Variants in EPN2 observed in about 807,000 individuals in gnomAD.
EPN2 encodes the protein epsin 2, also known as epsin-2.
A neutral mutation model predicts 61.7 loss-of-function variants in EPN2; 34 were observed. The ratio of observed to expected loss-of-function variants is 0.55; its 90% CI spans 0.42 to 0.73. The LOEUF (loss-of-function observed/expected upper bound fraction) is 0.73. EPN2 is among the 30% of genes least tolerant of loss of function. EPN2 has a pLI of 0.00. For missense variants in EPN2, 714 were observed against 839.2 expected (o/e 0.85, Z 1.84); for synonymous variants, 349 against 353.6 (o/e 0.99, Z 0.15).
At chr17:19,277,067 C>T (rs1386116398) in intron 1 of EPN2, among the ~76,000 whole-genome samples, 2 of 151,646 alleles carry the variant, frequency 1.3e-5, no homozygotes, top group East Asian at 1.9e-4. Flanking sequence ...GCAAACTATG[C>T]GAAAAAGAGG....
intron 1 of EPN2, among the ~76,000 whole-genome samples, chr17:19,238,572 A>T (rs118178868): frequency 2.6e-5 from 4 of 152,276 alleles, no homozygotes; most frequent in African/African-American, 7.2e-5. Flanking sequence ...CTTAACCATC[A>T]TTAGGGTTCA....
In EPN2 at chr17:19,329,355, G is replaced by A; in HGVS notation, c.1325-206G>A. 3 of 530,654 alleles carry A rather than the reference G, an allele frequency of 5.7e-6. No individual in the cohort carries two copies. In the South Asian group the frequency reaches 8.9e-5, roughly 16 times the overall value. The allele number at this position is 530,654 out of a possible 1,614,324, so 32.9% of individuals were successfully genotyped here. On this transcript the variant is annotated intron_variant, in intron 8 of 10. Coordinates refer to ENST00000314728, the MANE Select transcript of EPN2 (RefSeq NM_014964.5). ...GTGGGCATCCCACACCCTGTCCTGG[G>A]AGGCCAGGCTCCCTGTCTCCCCTCC... is the stretch of plus-strand genomic sequence containing the variant.
At chr17:19,304,730 C>T (rs1467508991) in intron 4 of EPN2, among the ~76,000 whole-genome samples, 2 of 152,244 alleles carry the variant, frequency 1.3e-5, no homozygotes, top group African/African-American at 4.8e-5. Context: ...AGCAGAAGCT[C>T]AAAGAGGTCA....
At position 19,334,368 on chromosome 17, in the gene EPN2, G is replaced by A; in HGVS notation, c.*114G>A. ...GGATTAGGGGTATTAGGGCTTTTCA[G>A]CTCCAGCTTCCTGATGAAAGGGCTG... On this transcript the variant is annotated 3_prime_UTR_variant, in exon 11 of 11. Coordinates refer to ENST00000314728, the MANE Select transcript of EPN2 (RefSeq NM_014964.5). This position sits in a 1 kb window ranked among gnomAD's most constrained non-coding sequence, Gnocchi z 4.9. 1.2e-6 allele frequency: 1 copy of A among 829,528 alleles called. No homozygotes were observed. The highest frequency in any genetic ancestry group is 3.3e-5 in the East Asian group (1 of 30,634). The allele number at this position is 829,528 out of a possible 1,614,324, so 51.4% of individuals were successfully genotyped here.
Position 19,283,834 on chromosome 17 carries a change from A to G in EPN2, c.595+120A>G. 1 of 742,954 alleles carries G rather than the reference A, an allele frequency of 1.3e-6. No individual in the cohort carries two copies. 46.0% of individuals were successfully genotyped at this position (742,954 alleles called of 1,614,324 possible). A position where few individuals can be genotyped will look rare whatever the true frequency, so the allele number is the denominator to read the frequency against. On this transcript the variant is annotated intron_variant, in intron 3 of 10. Transcript: ENST00000314728. This position sits in a 1 kb window ranked among gnomAD's most constrained non-coding sequence, Gnocchi z 7.0. ...TGCAGAGCTCGAACCTGTCCTCAGT[A>G]CCCAGCTTTTGGTGGCCCAGGCAAA...
intron 1 of EPN2, among the ~76,000 whole-genome samples, chr17:19,255,194 GTCT>G (rs1193314569): frequency 1.3e-5 from 2 of 152,128 alleles, no homozygotes; most frequent in Non-Finnish European, 2.9e-5. Context: ...CATGCTGTAT[GTCT>G]TCTTTTGGAG....
intron 5 of EPN2, among the ~76,000 whole-genome samples, chr17:19,310,879 C>G (rs1906104394): frequency 6.6e-6 from 1 of 152,048 alleles, no homozygotes; most frequent in Non-Finnish European, 1.5e-5. Flanking sequence ...TGCCTGGCCC[C>G]CATTTTTCTT....
chr17:19,310,313 G>A (rs1232598894), intron 5 of EPN2, among the ~76,000 whole-genome samples: 4 of 152,184 alleles, frequency 2.6e-5, no homozygotes, highest in Non-Finnish European at 5.9e-5. Flanking sequence ...AGTGAGCTGA[G>A]CCTGCACAGG....
At chr17:19,257,271 T>G (rs1407968811) in intron 1 of EPN2, among the ~76,000 whole-genome samples, 3 of 152,148 alleles carry the variant, frequency 2.0e-5, no homozygotes, top group Non-Finnish European at 2.9e-5. Context: ...AAAGACTGTG[T>G]AAAAGTCAGG....
chr17:19,321,120 G>T (rs1906618520), intron 7 of EPN2, among the ~76,000 whole-genome samples: 1 of 152,164 alleles, frequency 6.6e-6, no homozygotes, highest in East Asian at 1.9e-4. Flanking sequence ...TGGCGGGCTG[G>T]CATAGAGGCT....
intron 4 of EPN2, among the ~76,000 whole-genome samples, chr17:19,297,651 T>A (rs2045533764): frequency 6.6e-6 from 1 of 152,158 alleles, no homozygotes; most frequent in Admixed American, 6.5e-5. Context: ...GGAGCTGCTG[T>A]AGCCCTTCAC....
At chr17:19,250,065 T>C (rs1030202880) in intron 1 of EPN2, among the ~76,000 whole-genome samples, 1 of 152,088 alleles carries the variant, frequency 6.6e-6, no homozygotes, top group Non-Finnish European at 1.5e-5. Context: ...TCCAGGATAC[T>C]ATGTTTTAAA....
chr17:19,276,779 T>TTTTTGTTTGTTTG (rs2045311180), intron 1 of EPN2, among the ~76,000 whole-genome samples: 1 of 148,130 alleles, frequency 6.8e-6, no homozygotes, highest in East Asian at 1.9e-4. Flanking sequence ...ATAAGTTTTT[T>TTTTTGTTTGTTTG]TTTTTTTTTT....
At chr17:19,320,193 G>A (rs937058188) in intron 7 of EPN2, among the ~76,000 whole-genome samples, 10 of 152,360 alleles carry the variant, frequency 6.6e-5, no homozygotes, top group African/African-American at 2.2e-4. Context: ...CTACTCAGGG[G>A]ATGTGGTCAC....
chr17:19,313,308 C>T (rs780997946), intron 7 of EPN2, 29 bp downstream of exon 7: 2 of 1,497,068 alleles, frequency 1.3e-6, no homozygotes, highest in East Asian at 2.5e-5. Context: ...GTCTCCCGTG[C>T]TTGCCTGCTG....
At chr17:19,322,821 A>G (rs1906705084) in intron 7 of EPN2, among the ~76,000 whole-genome samples, 1 of 152,008 alleles carries the variant, frequency 6.6e-6, no homozygotes, top group African/African-American at 2.4e-5. Context: ...CAGAGACGAG[A>G]AGGCATGAAG....
intron 7 of EPN2, among the ~76,000 whole-genome samples, chr17:19,325,785 A>G (rs567066601): frequency 3.3e-4 from 50 of 152,218 alleles, no homozygotes; most frequent in Non-Finnish European, 7.1e-4. Flanking sequence ...GACACTAAAT[A>G]GTCATCATTT....
intron 1 of EPN2, among the ~76,000 whole-genome samples, chr17:19,260,220 A>G (rs2045126284): frequency 6.6e-6 from 1 of 152,102 alleles, no homozygotes; most frequent in African/African-American, 2.4e-5. Flanking sequence ...CTACCTTATG[A>G]TGGGAGGGAC....
intron 1 of EPN2, among the ~76,000 whole-genome samples, chr17:19,281,259 G>T (rs1355442891): frequency 6.6e-6 from 1 of 152,128 alleles, no homozygotes; most frequent in Non-Finnish European, 1.5e-5. Flanking sequence ...TGGTCTTTCT[G>T]GTAACCAGCC....
Sources: allele counts gnomAD v4.1 joint callset (sites outside exome capture counted in the v4.1 genomes callset), GRCh38; gene constraint gnomAD v4.1.1; non-coding constraint Gnocchi (gnomAD v3.1); transcripts MANE v1.5; gene names NCBI Gene and HGNC (gene_info 2026-07-23, HGNC 2026-07-21).